The following CEP85L variants were observed in gnomAD, a reference collection of about 807,000 sequenced individuals.
CEP85L encodes centrosomal protein of 85 kDa-like.
Under a neutral mutation model 100.3 loss-of-function variants are expected in CEP85L, and 60 were observed. The observed-to-expected ratio is 0.60, with a 90% CI of 0.49 to 0.74. CEP85L has a LOEUF of 0.74. Among genes scored for constraint, CEP85L ranks in the 30% least tolerant of loss-of-function variants. The pLI, the probability that CEP85L is intolerant of heterozygous loss-of-function variation, is 0.00. For synonymous variants in CEP85L, 319 were observed against 322.7 expected (o/e 0.99, Z 0.12); for missense variants, 973 against 936.2 (o/e 1.04, Z -0.51).
At chr6:118,602,923 C>T (rs553726764) in intron 2 of CEP85L, among the ~76,000 whole-genome samples, 12 of 152,010 alleles carry the variant, frequency 7.9e-5, no homozygotes, top group Non-Finnish European at 1.3e-4. Context: ...CACGTTCAAA[C>T]GATTCTCCTA....
chr6:118,651,599 C>G, upstream of CEP85L: 1 of 1,084,740 alleles, frequency 9.2e-7, no homozygotes, highest in Non-Finnish European at 1.1e-6. Flanking sequence ...TCTCCGCCCC[C>G]TCCGCCGGCA....
chr6:118,523,354 A>G (rs1470424561), intron 4 of CEP85L, among the ~76,000 whole-genome samples: 2 of 152,232 alleles, frequency 1.3e-5, no homozygotes, highest in Admixed American at 6.5e-5. Flanking sequence ...ATTCTTAACT[A>G]TAAGTCATTT....
chr6:118,575,206 C>A (rs906800569), intron 2 of CEP85L, among the ~76,000 whole-genome samples: 5 of 152,174 alleles, frequency 3.3e-5, no homozygotes, highest in Non-Finnish European at 7.4e-5. Flanking sequence ...AAGGAAAAGA[C>A]AGACAATATA....
chr6:118,698,088 C>T (rs1777274679), intron 1 of CEP85L, among the ~76,000 whole-genome samples: 1 of 152,164 alleles, frequency 6.6e-6, no homozygotes, highest in African/African-American at 2.4e-5. Context: ...CTGGGCCCTA[C>T]TCAAAGCTGT....
At chr6:118,492,918 C>T (rs1295201235) in intron 5 of CEP85L, among the ~76,000 whole-genome samples, 1 of 152,100 alleles carries the variant, frequency 6.6e-6, no homozygotes, top group African/African-American at 2.4e-5. Context: ...TGCAACTCAA[C>T]CATTACAGAA....
chr6:118,545,543 G>A (rs1326633367), intron 3 of CEP85L, among the ~76,000 whole-genome samples: 3 of 152,098 alleles, frequency 2.0e-5, no homozygotes, highest in South Asian at 2.1e-4. Flanking sequence ...AGCTGAGATC[G>A]CACCATTCAC....
intron 10 of CEP85L, among the ~76,000 whole-genome samples, chr6:118,479,596 T>C (rs138649133): frequency 3.2e-4 from 48 of 152,230 alleles, no homozygotes; most frequent in Non-Finnish European, 5.4e-4. Flanking sequence ...GCACCTGGTA[T>C]TCATTATATT....
chr6:118,667,256 T>C lies in CEP85L; in HGVS notation c.-27-14448A>G, dbSNP rs553808482. On this transcript the variant is annotated intron_variant, in intron 1 of 13. Transcript: ENST00000368488. ...TACTAACATGAAGAAGGGCATTAAA[T>C]TGGGTCACCATTGCTTGAGGGAACT... Among the ~76,000 whole-genome samples, 28 of 152,328 alleles carry C rather than the reference T, an allele frequency of 1.8e-4. 2 individuals carry two copies. In the South Asian group the frequency reaches 5.4e-3, roughly 29 times the overall value.
intron 3 of CEP85L, among the ~76,000 whole-genome samples, chr6:118,549,028 AAATT>A (rs1230684907): frequency 6.6e-6 from 1 of 152,020 alleles, no homozygotes; most frequent in Middle Eastern, 3.2e-3. Context: ...TGCTATTAAT[AAATT>A]GAGTTACTGA....
At chr6:118,481,370 G>A (rs1773769664) in intron 8 of CEP85L, among the ~76,000 whole-genome samples, 1 of 151,778 alleles carries the variant, frequency 6.6e-6, no homozygotes. Flanking sequence ...GCTTCAAAAT[G>A]TTAAATTATA....
At chr6:118,686,286 G>GA (rs1351295607) in intron 1 of CEP85L, among the ~76,000 whole-genome samples, 1 of 151,778 alleles carries the variant, frequency 6.6e-6, no homozygotes, top group African/African-American at 2.4e-5. Context: ...ATGATTTTTG[G>GA]ATGTACTGTT....
At chr6:118,650,033 T>C (rs796659447) in intron 1 of CEP85L, among the ~76,000 whole-genome samples, 2 of 152,198 alleles carry the variant, frequency 1.3e-5, no homozygotes, top group Non-Finnish European at 2.9e-5. Flanking sequence ...GCAGAAAATA[T>C]TACCATCAAA....
In CEP85L at chr6:118,529,739, A is replaced by G. The variant is rs909368175; in HGVS notation, c.1021-5819T>C. On this transcript the variant is annotated intron_variant, in intron 3 of 12. Transcript: ENST00000368491. ...TGACTATGATGCCATAGCAACTTTG[A>G]GTATACATAAATATCTACTTTTAAA... Among the ~76,000 whole-genome samples the G allele has an allele frequency of 2.6e-5, 4 of 152,014 alleles. No homozygotes were observed. The East Asian group carries it at 7.7e-4, about 29-fold the overall frequency.
rs576259341 is a variant in CEP85L at position 118,686,101 on chromosome 6, G to A, written c.-28+23935C>T. Reference sequence around the variant, plus strand: ...TGGTGCTCTCTTGACCAAGGGAAACGTGGGTTGGAGGAGTAACTTCAGGTA... The same window carrying A: ...TGGTGCTCTCTTGACCAAGGGAAACATGGGTTGGAGGAGTAACTTCAGGTA... On this transcript the variant is annotated intron_variant, in intron 1 of 13. Coordinates refer to the CEP85L transcript ENST00000368488. 7.9e-5 allele frequency among the ~76,000 whole-genome samples: 12 copies of A among 152,334 alleles called. No individual in the cohort carries two copies. In the South Asian group the frequency reaches 1.0e-3, roughly 13 times the overall value.
intron 2 of CEP85L, among the ~76,000 whole-genome samples, chr6:118,573,672 G>A (rs1006276739): frequency 5.9e-5 from 9 of 152,050 alleles, no homozygotes; most frequent in Admixed American, 5.2e-4. Flanking sequence ...TAAAGATTCT[G>A]ATTACCATTA....
intron 4 of CEP85L, among the ~76,000 whole-genome samples, chr6:118,520,315 CA>C (rs906767529): frequency 6.6e-6 from 1 of 152,022 alleles, no homozygotes; most frequent in East Asian, 1.9e-4. Flanking sequence ...ATTGAATCTA[CA>C]AAAAAATACC....
intron 1 of CEP85L, among the ~76,000 whole-genome samples, chr6:118,700,493 C>T (rs1777372312): frequency 1.3e-5 from 2 of 152,236 alleles, no homozygotes; most frequent in Admixed American, 6.5e-5. Flanking sequence ...TATAGTTATG[C>T]TCTTCCTTTC....
chr6:118,553,911 G>A (rs528293657), intron 3 of CEP85L, among the ~76,000 whole-genome samples: 1 of 152,302 alleles, frequency 6.6e-6, no homozygotes, highest in Non-Finnish European at 1.5e-5. Context: ...GTGATAGAAA[G>A]AGACTTGAGG....
intron 2 of CEP85L, among the ~76,000 whole-genome samples, chr6:118,622,644 T>C (rs990532593): frequency 2.6e-5 from 4 of 152,238 alleles, no homozygotes; most frequent in Non-Finnish European, 4.4e-5. Flanking sequence ...TGTATACAGA[T>C]AGCAGATATG....
Sources: allele counts gnomAD v4.1 joint callset (sites outside exome capture counted in the v4.1 genomes callset), GRCh38; gene constraint gnomAD v4.1.1; transcripts MANE v1.5; gene names NCBI Gene and HGNC (gene_info 2026-07-23, HGNC 2026-07-21).